The following ELAPOR2 variants were observed in gnomAD, a reference collection of about 807,000 sequenced individuals.
ELAPOR2 encodes endosome/lysosome-associated apoptosis and autophagy regulator family member 2.
ELAPOR2 carries 89 observed loss-of-function variants against 120.7 expected under a neutral mutation model. That is an observed-to-expected ratio of 0.74 (90% CI 0.62 to 0.88). ELAPOR2 has a LOEUF of 0.88. Ranked by LOEUF, ELAPOR2 falls within the 40% of genes least tolerant of loss-of-function variation. The probability of loss-of-function intolerance (pLI) is 0.00; values close to 1 mark genes in which losing one functional copy is unlikely to be tolerated. For missense variants in ELAPOR2, 1,134 were observed against 1,251.6 expected, an observed-to-expected ratio of 0.91 and a Z score of 1.42; for synonymous variants, 444 against 444.9, an observed-to-expected ratio of 1.00 and a Z score of 0.03.
intron 1 of ELAPOR2, among the ~76,000 whole-genome samples, chr7:87,025,703 A>AT (rs1279050321): frequency 5.9e-5 from 9 of 152,118 alleles, no homozygotes; most frequent in Admixed American, 5.2e-4. Flanking sequence ...ATTAAGGCCA[A>AT]TTTTTTACAT....
chr7:86,988,136 G>A (rs956955419), intron 1 of ELAPOR2, among the ~76,000 whole-genome samples: 7 of 152,106 alleles, frequency 4.6e-5, no homozygotes, highest in South Asian at 2.1e-4. Flanking sequence ...TCATACTTGC[G>A]AACTGAACAA....
chr7:86,920,571 A>G (rs1789784054), intron 10 of ELAPOR2, among the ~76,000 whole-genome samples: 1 of 152,140 alleles, frequency 6.6e-6, no homozygotes, highest in Non-Finnish European at 1.5e-5. Flanking sequence ...CAAAGAAAAG[A>G]AGGCAGTACA....
intron 1 of ELAPOR2, among the ~76,000 whole-genome samples, chr7:87,038,310 AC>A (rs1340795134): frequency 6.6e-6 from 1 of 152,216 alleles, no homozygotes; most frequent in African/African-American, 2.4e-5. Flanking sequence ...AATTCCATAT[AC>A]CTTTTTAGGG....
intron 4 of ELAPOR2, among the ~76,000 whole-genome samples, chr7:86,942,977 A>T (rs764825846): frequency 7.9e-5 from 12 of 152,058 alleles, no homozygotes; most frequent in Non-Finnish European, 1.5e-4. Context: ...TATTCCCTAA[A>T]GACTTACTAA....
chr7:86,947,350 T>C (rs1791051685), intron 3 of ELAPOR2, among the ~76,000 whole-genome samples: 1 of 152,102 alleles, frequency 6.6e-6, no homozygotes, highest in African/African-American at 2.4e-5. Flanking sequence ...TAGGAGATAA[T>C]CAAGTGTCTA....
intron 1 of ELAPOR2, among the ~76,000 whole-genome samples, chr7:87,004,089 T>C (rs1793399313): frequency 6.6e-6 from 1 of 152,142 alleles, no homozygotes; most frequent in Non-Finnish European, 1.5e-5. Flanking sequence ...TTAAAACATA[T>C]TAACAGCATC....
chr7:87,045,835 C>A (rs952382455), intron 1 of ELAPOR2, among the ~76,000 whole-genome samples: 3 of 151,322 alleles, frequency 2.0e-5, no homozygotes, highest in African/African-American at 7.3e-5. Flanking sequence ...AAAACAGGTC[C>A]ACAGCTAGTA....
chr7:86,982,704 G>C (rs1175380279), intron 1 of ELAPOR2, among the ~76,000 whole-genome samples: 1 of 152,198 alleles, frequency 6.6e-6, no homozygotes, highest in Non-Finnish European at 1.5e-5. Flanking sequence ...AAGACCAAAG[G>C]TAGATAAAAC....
In ELAPOR2 at chr7:86,993,234, CAAAAAAA is replaced by C. The variant is rs1159917841; in HGVS notation, c.190-28217_190-28211del. Among the ~76,000 whole-genome samples, 5 of 57,146 alleles carry C rather than the reference CAAAAAAA, an allele frequency of 8.7e-5. No individual in the cohort carries two copies. The Admixed American group carries it at 8.8e-4, about 10-fold the overall frequency. 37.5% of individuals were successfully genotyped at this position (57,146 alleles called of 152,430 possible). On this transcript the variant is annotated intron_variant, in intron 1 of 21. Coordinates refer to ENST00000450689, the MANE Select transcript of ELAPOR2 (RefSeq NM_001142749.3). ...CTGATGACAGAGCGAGACTCCATCT[CAAAAAAA>C]AAAAAAAAAGAAAAAGAAAAGAAAA... is the stretch of plus-strand genomic sequence containing the variant.
intron 1 of ELAPOR2, among the ~76,000 whole-genome samples, chr7:87,025,773 C>T (rs1794223242): frequency 6.6e-6 from 1 of 151,960 alleles, no homozygotes; most frequent in Non-Finnish European, 1.5e-5. Context: ...TAAAACATTT[C>T]AAGTAAAATC....
chr7:86,955,389 T>A (rs934707810), intron 2 of ELAPOR2, among the ~76,000 whole-genome samples: 1 of 149,882 alleles, frequency 6.7e-6, no homozygotes, highest in African/African-American at 2.5e-5. Context: ...TAATTGGGAA[T>A]TTTTTTTTTA....
intron 1 of ELAPOR2, 59 bp downstream of exon 1, chr7:87,059,266 C>G: frequency 1.6e-6 from 2 of 1,242,810 alleles, no homozygotes; most frequent in Middle Eastern, 4.2e-4. Context: ...CCGCTCTCAG[C>G]CTTCATCTTC....
chr7:86,891,632 A>C (rs1012208903), intron 21 of ELAPOR2, 92 bp downstream of exon 21: 1 of 1,084,090 alleles, frequency 9.2e-7, no homozygotes. Flanking sequence ...ATAAACATGC[A>C]AAATAACAGC....
intron 1 of ELAPOR2, among the ~76,000 whole-genome samples, chr7:87,046,459 AT>A (rs1173655210): frequency 6.6e-6 from 1 of 152,234 alleles, no homozygotes; most frequent in African/African-American, 2.4e-5. Flanking sequence ...TAAAATTTAT[AT>A]GAAACCACAA....
At chr7:86,911,537 G>A (rs974792005) in intron 15 of ELAPOR2, 6 of 444,026 alleles carry the variant, frequency 1.4e-5, no homozygotes, top group East Asian at 7.0e-5. Flanking sequence ...TCATGGTCCT[G>A]TAACCTCTCC....
rs1795373409 is a variant in ELAPOR2 at position 87,059,585 on chromosome 7, C to A, written c.-72G>T. On this transcript the variant is annotated 5_prime_UTR_variant, in exon 1 of 22. Coordinates refer to ENST00000450689, the MANE Select transcript of ELAPOR2 (RefSeq NM_001142749.3). Reference sequence around the variant, plus strand: ...GGGGTGCGGCGGCAGCTCCGGCTCCCGGGCCGCGACTGCTGTGCGCTCGTC... The same window carrying A: ...GGGGTGCGGCGGCAGCTCCGGCTCCAGGGCCGCGACTGCTGTGCGCTCGTC... 2.7e-6 allele frequency: 3 copies of A among 1,130,326 alleles called. No individual in the cohort carries two copies. The highest frequency in any genetic ancestry group is 3.2e-6 in the Non-Finnish European group (3 of 924,076). The allele number at this position is 1,130,326 out of a possible 1,614,324, so 70.0% of individuals were successfully genotyped here. A position where few individuals can be genotyped will look rare whatever the true frequency, so the allele number is the denominator to read the frequency against.
intron 1 of ELAPOR2, among the ~76,000 whole-genome samples, chr7:86,991,598 T>G (rs1792947463): frequency 6.6e-6 from 1 of 152,158 alleles, no homozygotes; most frequent in Admixed American, 6.6e-5. Flanking sequence ...TTGCCCCAAC[T>G]CTATTATACC....
chr7:86,913,268 T>A, intron 13 of ELAPOR2, 64 bp from the exon 14 acceptor site: 1 of 1,513,274 alleles, frequency 6.6e-7, no homozygotes, highest in Non-Finnish European at 9.1e-7. Flanking sequence ...CCAGATTATG[T>A]CTTCTGTTGA....
At chr7:86,952,167 T>A (rs957433403) in intron 2 of ELAPOR2, among the ~76,000 whole-genome samples, 1 of 152,192 alleles carries the variant, frequency 6.6e-6, no homozygotes, top group Non-Finnish European at 1.5e-5. Flanking sequence ...TATGAAAGCA[T>A]TGAGTGTATT....
Sources: gnomAD v4.1 joint callset for allele counts (sites outside exome capture counted in the v4.1 genomes callset) on GRCh38, gnomAD v4.1.1 for gene constraint, MANE v1.5 for transcripts, NCBI Gene and HGNC (gene_info 2026-07-23, HGNC 2026-07-21) for gene names.